Variants in CEP55 observed in about 807,000 individuals in gnomAD.
The protein encoded by CEP55 is centrosomal protein of 55 kDa.
Under a neutral mutation model 63.2 loss-of-function variants are expected in CEP55, and 57 were observed. The ratio of observed to expected loss-of-function variants is 0.90; its 90% CI spans 0.73 to 1.13. CEP55 has a LOEUF of 1.13. Among genes scored for constraint, CEP55 ranks in the 50% most tolerant of loss-of-function variants. CEP55 has a pLI of 0.00. For synonymous variants in CEP55, 178 were observed against 191.6 expected (o/e 0.93, Z 0.59); for missense variants, 456 against 518.9 (o/e 0.88, Z 1.18).
At chr10:93,523,014 G>A (rs1248836249) in intron 8 of CEP55, among the ~76,000 whole-genome samples, 1 of 152,156 alleles carries the variant, frequency 6.6e-6, no homozygotes, top group African/African-American at 2.4e-5. Context: ...TCGAGGCTAG[G>A]AAAAAACTGC....
intron 1 of CEP55, among the ~76,000 whole-genome samples, chr10:93,498,683 T>A (rs1224174644): frequency 1.3e-5 from 2 of 152,236 alleles, no homozygotes; most frequent in African/African-American, 4.8e-5. Context: ...TTTACTGATA[T>A]CATTTATCCC....
In CEP55 at chr10:93,522,630, A is replaced by G. The variant is rs915562393; in HGVS notation, c.1191+2823A>G. Among the ~76,000 whole-genome samples, 4 of 152,188 alleles carry G rather than the reference A, an allele frequency of 2.6e-5. No individual in the cohort carries two copies. The East Asian group carries it at 7.7e-4, about 29-fold the overall frequency. ...CGAGAAGAGCAACTCCAAGACACATAATTGTCAGATTCACCAAAGTTGAAA... is the reference window on the plus strand; with the variant it reads ...CGAGAAGAGCAACTCCAAGACACATGATTGTCAGATTCACCAAAGTTGAAA... On this transcript the variant is annotated intron_variant, in intron 8 of 8. Coordinates refer to ENST00000371485, the MANE Select transcript of CEP55 (RefSeq NM_018131.5).
rs2057618478 is a variant in CEP55, at chr10:93,500,206, C to T, written c.155C>T (p.Thr52Ile). The T allele has an allele frequency of 6.2e-7, 1 of 1,612,924 alleles. No individual in the cohort carries two copies. Among genetic ancestry groups the T allele is most frequent in the Non-Finnish European group, 8.5e-7 (1 of 1,179,656 alleles). Residue 52 changes from threonine (T) to isoleucine (I), a missense_variant, in exon 2 of 9, where the codon ACT becomes ATT. Thr to Ile is a moderately conservative substitution (Grantham distance 89). Transcript: ENST00000371485. ...ATCACAAGTGGGAAAGGAAAGCTGA[C>T]TGATAAAGAGAGACACAGACTTTTG... ...DEITSGKGKL[T>I]DKERHRLLEK... is the part of the protein sequence containing the mutation.
intron 4 of CEP55, among the ~76,000 whole-genome samples, chr10:93,514,781 G>GT (rs1369443141): frequency 2.6e-5 from 4 of 152,076 alleles, no homozygotes; most frequent in Non-Finnish European, 4.4e-5. Flanking sequence ...TTTTTTGTTT[G>GT]TTTTTTTGAG....
At chr10:93,504,939 G>A (rs1245950512) in intron 3 of CEP55, among the ~76,000 whole-genome samples, 1 of 151,802 alleles carries the variant, frequency 6.6e-6, no homozygotes, top group East Asian at 1.9e-4. Context: ...AGCCTCCCAA[G>A]TATTTGGGAT....
In CEP55 at chr10:93,529,057, T is replaced by C. The variant is rs1293498691; in HGVS notation, c.*904T>C. 2.0e-5 allele frequency: 3 copies of C among 152,176 alleles called. No homozygotes were observed. Among genetic ancestry groups the C allele is most frequent in the Non-Finnish European group, 4.4e-5 (3 of 68,036 alleles). The allele number at this position is 152,176 out of a possible 1,614,324, so 9.4% of individuals were successfully genotyped here. A position where few individuals can be genotyped will look rare whatever the true frequency, so the allele number is the denominator to read the frequency against. On this transcript the variant is annotated 3_prime_UTR_variant, in exon 9 of 9. Transcript: ENST00000371485. ...TAACATGCTTACCACTGGGCTACTG[T>C]AAATGAGAAAAGAATAAAATTATTT...
At chr10:93,521,319 G>A (rs112358299) in intron 8 of CEP55, among the ~76,000 whole-genome samples, 3,753 of 152,264 alleles carry the variant, frequency 0.025, 63 homozygotes, top group Admixed American at 0.037. Context: ...GGCTTGGAGG[G>A]TCCTACACCT....
At chr10:93,519,430 A>C (rs1013592952) in intron 7 of CEP55, among the ~76,000 whole-genome samples, 3 of 152,214 alleles carry the variant, frequency 2.0e-5, no homozygotes, top group Non-Finnish European at 4.4e-5. Flanking sequence ...GGGAGGAGTA[A>C]TTCTAATCAA....
chr10:93,519,035 G>A (rs1250524273), intron 7 of CEP55, 87 bp downstream of exon 7: 2 of 969,550 alleles, frequency 2.1e-6, no homozygotes, highest in South Asian at 1.5e-5. Context: ...ATGGAGAACT[G>A]TTTGAAAGTT....
rs753586848 is a variant in CEP55, at chr10:93,517,231, G to A, written c.976G>A (p.Glu326Lys). ...ACTTGAAGAAGAGAAGAAGAGATCC[G>A]AAGAGCTCTTATCTCAGGTAAACTT... ...GKLEEEKKRS[E>K]ELLSQVQFLY... The change falls in exon 6 of 9, where the codon GAA (glutamate) becomes AAA (lysine). Residue 326 changes from glutamate to lysine, a missense_variant. Coordinates refer to ENST00000371485, the MANE Select transcript of CEP55 (RefSeq NM_018131.5). The A allele has an allele frequency of 3.5e-5, 56 of 1,598,806 alleles. No individual in the cohort carries two copies. The highest frequency in any genetic ancestry group is 1.8e-4 in the East Asian group (8 of 44,712).
intron 5 of CEP55, among the ~76,000 whole-genome samples, chr10:93,516,257 C>T (rs1292245944): frequency 6.6e-6 from 1 of 152,152 alleles, no homozygotes; most frequent in Non-Finnish European, 1.5e-5. Flanking sequence ...GAAAGGGGAA[C>T]AAGACTCATA....
chr10:93,500,040 A>G lies in CEP55; in HGVS notation c.-12A>G, dbSNP rs1262757517. 6.3e-7 allele frequency: 1 copy of G among 1,580,738 alleles called. No homozygotes were observed. The highest frequency in any genetic ancestry group is 1.4e-5 in the African/African-American group (1 of 72,948). On this transcript the variant is annotated splice_region_variant and 5_prime_UTR_variant, in exon 2 of 9. Coordinates refer to ENST00000371485, the MANE Select transcript of CEP55 (RefSeq NM_018131.5). ...ATACAGTTGATTTTTATTTTTACAGACCATTTCAGAGATGTCTTCCAGAAG... is the reference window on the plus strand; with the variant it reads ...ATACAGTTGATTTTTATTTTTACAGGCCATTTCAGAGATGTCTTCCAGAAG...
intron 1 of CEP55, among the ~76,000 whole-genome samples, chr10:93,499,079 A>G (rs1346666204): frequency 6.6e-6 from 1 of 152,110 alleles, no homozygotes; most frequent in African/African-American, 2.4e-5. Flanking sequence ...TTGTTTCTAA[A>G]CTGTCATCCA....
chr10:93,508,588 T>G (rs1419078081), intron 4 of CEP55, among the ~76,000 whole-genome samples: 2 of 152,184 alleles, frequency 1.3e-5, no homozygotes, highest in African/African-American at 4.8e-5. Flanking sequence ...TAGAAATATC[T>G]TACACAGCTC....
In CEP55 at chr10:93,525,619, G is replaced by T. The variant is rs1363782926; in HGVS notation, c.1192-2331G>T. ...TTCATATGGAACCAAAAAAGAGCCC[G>T]CATCGCCAAGTCAATCCTAAGCCAA... is the stretch of plus-strand genomic sequence containing the variant. On this transcript the variant is annotated intron_variant, in intron 8 of 8. Transcript: ENST00000371485. Among the ~76,000 whole-genome samples, 239 of 151,526 alleles carry T rather than the reference G, an allele frequency of 1.6e-3. 4 individuals carry two copies. The highest frequency in any genetic ancestry group is 3.4e-3 in the Middle Eastern group (1 of 294).
rs769363272 is a variant in CEP55, at chr10:93,507,027, A to G, written c.499A>G (p.Ile167Val). The G allele has an allele frequency of 9.5e-6, 15 of 1,586,390 alleles. No homozygotes were observed. In the Admixed American group the frequency reaches 2.5e-4, roughly 27 times the overall value. Reference protein sequence around the residue: ...PNCFNSSINNIHEMEIQLKDA... With the variant: ...PNCFNSSINNVHEMEIQLKDA... ...CTGCTTCAACTCATCAATAAATAAT[A>G]TTCATGAAATGGAAATACAGCTGAA... Residue 167 changes from isoleucine to valine, a missense_variant, in exon 4 of 9, where the codon ATT (isoleucine) becomes GTT (valine). Coordinates refer to ENST00000371485, the MANE Select transcript of CEP55 (RefSeq NM_018131.5).
At position 93,514,174 on chromosome 10, in the gene CEP55, C is replaced by G. The variant is rs937855875; in HGVS notation, c.529-1231C>G. On this transcript the variant is annotated intron_variant, in intron 4 of 8. Coordinates refer to ENST00000371485, the MANE Select transcript of CEP55 (RefSeq NM_018131.5). ...TCTTGAACTCCTGGCCTCAAGTAAT[C>G]CGCCCGCCTCGGCCTCCCAAAGTGC... Among the ~76,000 whole-genome samples the G allele has an allele frequency of 2.0e-5, 3 of 152,124 alleles. No homozygotes were observed. In the East Asian group the frequency reaches 5.8e-4, roughly 29 times the overall value.
chr10:93,506,561 T>C (rs1165162416), intron 3 of CEP55, among the ~76,000 whole-genome samples: 1 of 152,160 alleles, frequency 6.6e-6, no homozygotes, highest in Non-Finnish European at 1.5e-5. Context: ...ATCTACTAGA[T>C]CTGGATTTTT....
chr10:93,501,809 C>T (rs2057638681), intron 2 of CEP55, among the ~76,000 whole-genome samples: 1 of 152,124 alleles, frequency 6.6e-6, no homozygotes, highest in Non-Finnish European at 1.5e-5. Context: ...TTTTCAAGCA[C>T]TTAGAGAACA....
Sources: allele counts gnomAD v4.1 joint callset (sites outside exome capture counted in the v4.1 genomes callset), GRCh38; gene constraint gnomAD v4.1.1; transcripts MANE v1.5; gene names NCBI Gene and HGNC (gene_info 2026-07-23, HGNC 2026-07-21).